The following MTAP variants were observed in gnomAD, a reference collection of about 807,000 sequenced individuals.
MTAP encodes S-methyl-5'-thioadenosine phosphorylase.
In MTAP, 33 loss-of-function variants were observed where a neutral mutation model predicts 33.6. That is an observed-to-expected ratio of 0.98 (90% CI 0.74 to 1.31). The LOEUF is 1.31. Among genes scored for constraint, MTAP ranks in the 40% most tolerant of loss-of-function variants. MTAP has a pLI of 0.00. For missense variants in MTAP, 367 were observed against 360.0 expected (o/e 1.02, Z -0.16); for synonymous variants, 148 against 125.7 (o/e 1.18, Z -1.19).
Position 21,859,301 on chromosome 9 carries a change from AGGTTTC to A in MTAP, c.693_698del (p.Ser232_Val233del), listed in dbSNP as rs1262806025. On this transcript the variant is annotated splice_acceptor_variant and coding_sequence_variant, in exon 7 of 8. Transcript: ENST00000644715. LOFTEE classifies it high-confidence loss of function. ...TAACCTCCAGTGCTATTGTTTCTCT[AGGTTTC>A]GGTGGACCGGGTCTTAAAGACCCTG... 6.2e-7 allele frequency: 1 copy of A among 1,604,940 alleles called. No homozygotes were observed. Among genetic ancestry groups the A allele is most frequent in the East Asian group, 2.2e-5 (1 of 44,778 alleles).
At chr9:21,846,535 G>A (rs1587241699) in intron 5 of MTAP, among the ~76,000 whole-genome samples, 2 of 152,006 alleles carry the variant, frequency 1.3e-5, no homozygotes, top group Admixed American at 6.6e-5. Flanking sequence ...ACCACAATGC[G>A]ATACCACCTT....
intron 4 of MTAP, among the ~76,000 whole-genome samples, chr9:21,836,387 CG>C (rs1257186099): frequency 6.6e-6 from 1 of 151,858 alleles, no homozygotes; most frequent in Non-Finnish European, 1.5e-5. Flanking sequence ...AAAACAAAGG[CG>C]GGGGTTCCAA....
chr9:21,939,417 C>G (rs539404570), downstream of MTAP, among the ~76,000 whole-genome samples: 1 of 152,128 alleles, frequency 6.6e-6, no homozygotes, highest in Non-Finnish European at 1.5e-5. Flanking sequence ...CTTAAGCTAT[C>G]TATAGCTTAC....
In MTAP at chr9:21,836,586, A is replaced by G. The variant is rs16938571; in HGVS notation, c.348-1322A>G. 7.7e-3 allele frequency among the ~76,000 whole-genome samples: 1,175 copies of G among 152,340 alleles called. 14 individuals carry two copies. Among genetic ancestry groups the G allele is most frequent in the African/African-American group, 0.026 (1,085 of 41,572 alleles). On this transcript the variant is annotated intron_variant, in intron 4 of 7. Coordinates refer to ENST00000644715, the MANE Select transcript of MTAP (RefSeq NM_002451.4). ...AACAAAGCCAGAGCTGAAGTTGAGT[A>G]CGTGTCACCGTTTTATTGGTTAATC... is the stretch of plus-strand genomic sequence containing the variant.
In MTAP at chr9:21,864,080, T is replaced by C. The variant is rs1382216290; in HGVS notation, c.*2066T>C. Reference sequence around the variant, plus strand: ...CTTTTCCTCATTCTTAATAGGTGTCTAAGAATGTCAGGGCAAAAGTATGGG... The same window carrying C: ...CTTTTCCTCATTCTTAATAGGTGTCCAAGAATGTCAGGGCAAAAGTATGGG... On this transcript the variant is annotated 3_prime_UTR_variant, in exon 8 of 8. Transcript: ENST00000644715. 1 of 985,362 alleles carries C rather than the reference T, an allele frequency of 1.0e-6. No homozygotes were observed. Among genetic ancestry groups the C allele is most frequent in the Non-Finnish European group, 1.2e-6 (1 of 829,942 alleles). The allele number at this position is 985,362 out of a possible 1,614,324, so 61.0% of individuals were successfully genotyped here. A position where few individuals can be genotyped will look rare whatever the true frequency, so the allele number is the denominator to read the frequency against.
intron 5 of MTAP, among the ~76,000 whole-genome samples, chr9:21,840,264 C>T (rs911145228): frequency 1.3e-5 from 2 of 151,832 alleles, no homozygotes; most frequent in Admixed American, 1.3e-4. Context: ...TAACGTGCAG[C>T]TTCCACAAGG....
Position 21,802,883 on chromosome 9 carries a change from C to G in MTAP, c.33+102C>G, listed in dbSNP as rs1824088353. 2.0e-6 allele frequency: 3 copies of G among 1,504,146 alleles called. No homozygotes were observed. In the East Asian group the frequency reaches 7.5e-5, roughly 38 times the overall value. The allele number at this position is 1,504,146 out of a possible 1,614,324, so 93.2% of individuals were successfully genotyped here. ...CCGGGGGCCATGCGCCCGGCCCGTGCGTCCCTTGCCGCCGCGGGGAGGGAC... is the reference window on the plus strand; with the variant it reads ...CCGGGGGCCATGCGCCCGGCCCGTGGGTCCCTTGCCGCCGCGGGGAGGGAC... On this transcript the variant is annotated intron_variant, in intron 1 of 7. Coordinates refer to ENST00000644715, the MANE Select transcript of MTAP (RefSeq NM_002451.4).
In MTAP at chr9:21,829,925, C is replaced by CTTT. The variant is rs552813565; in HGVS notation, c.348-7976_348-7974dup. 9.9e-5 allele frequency among the ~76,000 whole-genome samples: 15 copies of CTTT among 151,602 alleles called. 2 individuals carry two copies. The South Asian group carries it at 2.9e-3, about 30-fold the overall frequency. On this transcript the variant is annotated intron_variant, in intron 4 of 7. Coordinates refer to ENST00000644715, the MANE Select transcript of MTAP (RefSeq NM_002451.4). ...AAAAATGTCATTCTTATCTGAAAAT[C>CTTT]TTTTTTTTTCTTCTCTCTCTCATGC...
intron 1 of MTAP, among the ~76,000 whole-genome samples, chr9:21,907,162 A>T (rs367833232): frequency 6.6e-6 from 1 of 152,194 alleles, no homozygotes; most frequent in Non-Finnish European, 1.5e-5. Context: ...GACTATGTGA[A>T]CCCGGTGGTG....
chr9:21,858,557 T>C (rs1485883795), intron 6 of MTAP, among the ~76,000 whole-genome samples: 2 of 152,112 alleles, frequency 1.3e-5, no homozygotes, highest in Admixed American at 6.6e-5. Context: ...TGTACACTTT[T>C]AAACAATCAG....
At chr9:21,809,344 AT>A (rs1824286033) in intron 1 of MTAP, among the ~76,000 whole-genome samples, 1 of 152,104 alleles carries the variant, frequency 6.6e-6, no homozygotes, top group Admixed American at 6.6e-5. Flanking sequence ...CGTTTTAAAA[AT>A]TTATGGTCTA....
chr9:21,923,854 AAG>A (rs1337790285), intron 1 of MTAP, among the ~76,000 whole-genome samples: 1 of 152,176 alleles, frequency 6.6e-6, no homozygotes, highest in Non-Finnish European at 1.5e-5. Flanking sequence ...TGCTGTGAGT[AAG>A]AGTCACTATA....
intron 4 of MTAP, among the ~76,000 whole-genome samples, chr9:21,823,489 G>T (rs1296180999): frequency 6.6e-6 from 1 of 152,206 alleles, no homozygotes; most frequent in Non-Finnish European, 1.5e-5. Flanking sequence ...TCTGCTTTTA[G>T]TCTGATGGGC....
intron 5 of MTAP, among the ~76,000 whole-genome samples, chr9:21,843,239 A>G (rs1825295602): frequency 6.6e-6 from 1 of 152,190 alleles, no homozygotes; most frequent in South Asian, 2.1e-4. Context: ...TATGCACTTA[A>G]CACTTGAGCT....
chr9:21,882,090 G>C (rs956259395), intron 1 of MTAP, among the ~76,000 whole-genome samples: 1 of 151,794 alleles, frequency 6.6e-6, no homozygotes, highest in Non-Finnish European at 1.5e-5. Flanking sequence ...TGCAAATGTA[G>C]TACAAAATAA....
At chr9:21,809,552 T>C (rs1307561865) in intron 1 of MTAP, among the ~76,000 whole-genome samples, 1 of 151,056 alleles carries the variant, frequency 6.6e-6, no homozygotes, top group Non-Finnish European at 1.5e-5. Flanking sequence ...GGCAGGAGAA[T>C]GGTGTGAAAC....
intron 4 of MTAP, among the ~76,000 whole-genome samples, chr9:21,829,897 A>C (rs1156278856): frequency 6.6e-6 from 1 of 152,192 alleles, no homozygotes; most frequent in Non-Finnish European, 1.5e-5. Context: ...AAGCTCTTTT[A>C]AGAAAAATGT....
chr9:21,877,536 A>G (rs564787054), intron 1 of MTAP, among the ~76,000 whole-genome samples: 7 of 152,264 alleles, frequency 4.6e-5, no homozygotes, highest in Middle Eastern at 3.4e-3. Context: ...TGTTCCTTCA[A>G]TACCTAGTTG....
At chr9:21,803,026 A>ACACACACACACACACACACACACACC (rs1824101464) in intron 1 of MTAP, 1 of 1,031,100 alleles carries the variant, frequency 9.7e-7, no homozygotes, top group Non-Finnish European at 1.3e-6. Flanking sequence ...ACACACACAC[A>ACACACACACACACACACACACACACC]CACACACACA....
Sources: allele counts gnomAD v4.1 joint callset (sites outside exome capture counted in the v4.1 genomes callset), GRCh38; gene constraint gnomAD v4.1.1; transcripts MANE v1.5; gene names NCBI Gene and HGNC (gene_info 2026-07-23, HGNC 2026-07-21).